The following AKNA variants were observed in gnomAD, a reference collection of about 807,000 sequenced individuals.
AKNA encodes the protein microtubule organization protein AKNA.
Under a neutral mutation model 138.8 loss-of-function variants are expected in AKNA, and 67 were observed. The ratio of observed to expected loss-of-function variants is 0.48; its 90% CI spans 0.40 to 0.59. The LOEUF (loss-of-function observed/expected upper bound fraction) is 0.59, where lower values mean the gene tolerates loss of function less well. Among genes scored for constraint, AKNA ranks in the 20% least tolerant of loss-of-function variants. AKNA has a pLI of 0.00. For synonymous variants in AKNA, 737 were observed against 754.4 expected, an observed-to-expected ratio of 0.98 and a Z score of 0.38; for missense variants, 1,813 against 1,880.4, an observed-to-expected ratio of 0.96 and a Z score of 0.66.
At chr9:114,387,473 AC>A (rs1162522252) in intron 1 of AKNA, among the ~76,000 whole-genome samples, 2 of 151,600 alleles carry the variant, frequency 1.3e-5, no homozygotes, top group African/African-American at 4.9e-5. Context: ...AATAGGGACC[AC>A]CCCCCGGCGC....
intron 2 of AKNA, among the ~76,000 whole-genome samples, chr9:114,377,934 TCTACCACCA>T (rs151069108): frequency 6.6e-6 from 1 of 152,298 alleles, no homozygotes; most frequent in African/African-American, 2.4e-5. Context: ...TGCTCTGAAG[TCTACCACCA>T]CTACCTTAGC....
rs775464611 is a variant in AKNA at position 114,341,551 on chromosome 9, G to C, written c.4049C>G (p.Pro1350Arg). The C allele has an allele frequency of 1.2e-6, 2 of 1,614,122 alleles. No homozygotes were observed. The highest frequency in any genetic ancestry group is 2.2e-5 in the South Asian group (2 of 91,080). The stretch of plus-strand genomic sequence containing the variant: ...CTCTTACACAGCGGCAGGTGGATAA[G>C]GCATGATGGGAACCGAGGAGATGTA... ...FAYISSVPIM[P>R]YPPAAVYYAP... The change falls in exon 21 of 22, where the codon CCT becomes CGT. Residue 1350 changes from proline to arginine, a missense_variant. By Grantham distance (103) the Pro-to-Arg change is moderately radical. Transcript: ENST00000374088.
rs1589020649 is a variant in AKNA, at chr9:114,377,261, T to G, written c.546A>C (p.Lys182Asn). The G allele has an allele frequency of 1.2e-6, 2 of 1,614,146 alleles. No individual in the cohort carries two copies. Among genetic ancestry groups the G allele is most frequent in the African/African-American group, 2.7e-5 (2 of 75,048 alleles). ...GGTTGACCTCGGAATGTTCAGAAAGTTTGTCCCCACTGGCTTGTTCGCCAG... is the reference window on the plus strand; with the variant it reads ...GGTTGACCTCGGAATGTTCAGAAAGGTTGTCCCCACTGGCTTGTTCGCCAG... ...VASGEQASGD[K>N]LSEHSEVNPS... The change falls in exon 3 of 22, where the codon AAA (lysine) becomes AAC (asparagine). Residue 182 changes from lysine to asparagine, a missense_variant. Coordinates refer to ENST00000374088, the MANE Select transcript of AKNA (RefSeq NM_001317950.2).
chr9:114,358,770 C>G (rs2636895), intron 11 of AKNA, among the ~76,000 whole-genome samples: 89,932 of 148,304 alleles, frequency 0.61, 28,135 homozygotes, highest in African/African-American at 0.8. Flanking sequence ...TCATAGGTGG[C>G]AATTGAACAA....
At chr9:114,369,354 T>C (rs1170709765) in intron 4 of AKNA, among the ~76,000 whole-genome samples, 1 of 152,244 alleles carries the variant, frequency 6.6e-6, no homozygotes, top group Non-Finnish European at 1.5e-5. Context: ...TGTTTGTTTA[T>C]GTGTTGTCTA....
chr9:114,341,760 C>G (rs1257659761), intron 20 of AKNA, 35 bp from the exon 21 acceptor site: 1 of 1,531,866 alleles, frequency 6.5e-7, no homozygotes, highest in Non-Finnish European at 8.7e-7. Flanking sequence ...GAGACAGAGT[C>G]TGACCACTTG....
chr9:114,377,674 G>T, intron 2 of AKNA, 142 bp from the exon 3 acceptor site: 1 of 869,132 alleles, frequency 1.2e-6, no homozygotes, highest in Non-Finnish European at 1.7e-6. Context: ...GGTAGACTTA[G>T]CCAAGTGCTT....
intron 14 of AKNA, among the ~76,000 whole-genome samples, chr9:114,355,429 G>A (rs1171807152): frequency 4.6e-5 from 7 of 152,018 alleles, no homozygotes; most frequent in African/African-American, 1.7e-4. Context: ...CACCCGCCTC[G>A]GCCTCCCAAA....
chr9:114,340,768 G>A (rs1014850557), intron 21 of AKNA, among the ~76,000 whole-genome samples: 1 of 152,152 alleles, frequency 6.6e-6, no homozygotes, highest in Non-Finnish European at 1.5e-5. Context: ...TGGCTTGACT[G>A]ATGTTACGTC....
chr9:114,376,742 G>GA lies in AKNA; in HGVS notation c.1064_1065insT (p.Tyr356LeufsTer5). On this transcript the variant is annotated frameshift_variant, in exon 3 of 22. Transcript: ENST00000374088. LOFTEE classifies it high-confidence loss of function. ...CCTTGGAGAAATCAGGGAGTGGGTA[G>GA]TTCAACTGCCCCCGGCCATACTTGG... The GA allele has an allele frequency of 6.2e-7, 1 of 1,612,828 alleles. No homozygotes were observed. Among genetic ancestry groups the GA allele is most frequent in the Non-Finnish European group, 8.5e-7 (1 of 1,179,292 alleles).
At chr9:114,330,842 A>G, downstream of AKNA, 1 of 1,613,924 alleles carries the variant, frequency 6.2e-7, no homozygotes, top group Non-Finnish European at 8.5e-7. Flanking sequence ...CAGCGGGAGA[A>G]TGGGACCGTC....
rs779918963 is a variant in AKNA at position 114,336,149 on chromosome 9, CTTCTT to C, written c.*900_*904del. ...GGATGGCTTTGGGTATTTTTTTTGT[CTTCTT>C]TTCTTTTTTTAAGATCAATATTCAT... On this transcript the variant is annotated 3_prime_UTR_variant, in exon 22 of 22. Transcript: ENST00000374088. 8 of 152,638 alleles carry C rather than the reference CTTCTT, an allele frequency of 5.2e-5. No homozygotes were observed. The highest frequency in any genetic ancestry group is 8.8e-5 in the Non-Finnish European group (6 of 68,032). 9.5% of individuals were successfully genotyped at this position (152,638 alleles called of 1,614,324 possible). A position where few individuals can be genotyped will look rare whatever the true frequency, so the allele number is the denominator to read the frequency against.
chr9:114,378,952 T>C (rs1833440446), intron 2 of AKNA, among the ~76,000 whole-genome samples: 1 of 152,228 alleles, frequency 6.6e-6, no homozygotes, highest in African/African-American at 2.4e-5. Flanking sequence ...TCCTCCATGC[T>C]CTTTCCCCTA....
chr9:114,373,745 G>A (rs1166413145), intron 4 of AKNA, among the ~76,000 whole-genome samples: 1 of 151,700 alleles, frequency 6.6e-6, no homozygotes, highest in Non-Finnish European at 1.5e-5. Context: ...AATTAGCAGG[G>A]AATAGTGATG....
chr9:114,380,267 C>A (rs182232108), intron 2 of AKNA, among the ~76,000 whole-genome samples: 309 of 152,286 alleles, frequency 2.0e-3, no homozygotes, highest in Non-Finnish European at 3.4e-3. Context: ...TTCATCACTG[C>A]ATTATTTATA....
At chr9:114,330,970 C>A (rs1829841682), downstream of AKNA, 3 of 861,094 alleles carry the variant, frequency 3.5e-6, no homozygotes, top group Admixed American at 7.0e-5. Context: ...AGAGAAATAA[C>A]CACTAACATT....
chr9:114,360,359 C>T lies in AKNA; in HGVS notation c.2125-297G>A, dbSNP rs570373507. ...AACCATTTTATAGACAGGTAACTCACGCTCAAATGATTTGCCCAAAGTCAA... is the reference window on the plus strand; with the variant it reads ...AACCATTTTATAGACAGGTAACTCATGCTCAAATGATTTGCCCAAAGTCAA... On this transcript the variant is annotated intron_variant, in intron 9 of 21. Transcript: ENST00000374088. Among the ~76,000 whole-genome samples the T allele has an allele frequency of 9.9e-5, 15 of 152,274 alleles. No individual in the cohort carries two copies. In the South Asian group the frequency reaches 2.1e-3, roughly 21 times the overall value.
At chr9:114,369,635 T>C (rs1832616182) in intron 4 of AKNA, among the ~76,000 whole-genome samples, 1 of 151,954 alleles carries the variant, frequency 6.6e-6, no homozygotes, top group South Asian at 2.1e-4. Context: ...ACCATTATCT[T>C]CACCACCACC....
chr9:114,367,787 AT>A (rs997990385), intron 5 of AKNA, 90 bp from the exon 6 acceptor site: 1 of 1,401,706 alleles, frequency 7.1e-7, no homozygotes, highest in Non-Finnish European at 9.6e-7. Context: ...CACCACCTCC[AT>A]CATCAAGTTA....
Sources: gnomAD v4.1 joint callset for allele counts (sites outside exome capture counted in the v4.1 genomes callset) on GRCh38, gnomAD v4.1.1 for gene constraint, MANE v1.5 for transcripts, NCBI Gene and HGNC (gene_info 2026-07-23, HGNC 2026-07-21) for gene names.